ZNF385B: variants seen among roughly 807,000 people sequenced by gnomAD.
ZNF385B encodes zinc finger protein 533.
In ZNF385B, 23 loss-of-function variants were observed where a neutral mutation model predicts 39.2. That is an observed-to-expected ratio of 0.59 (90% CI 0.42 to 0.83). The LOEUF is 0.83. Ranked by LOEUF, ZNF385B falls within the 40% of genes least tolerant of loss-of-function variation. ZNF385B has a pLI of 0.00. For synonymous variants in ZNF385B, 205 were observed against 222.6 expected, an observed-to-expected ratio of 0.92 and a Z score of 0.70; for missense variants, 552 against 598.9, an observed-to-expected ratio of 0.92 and a Z score of 0.82.
At position 179,618,718 on chromosome 2, in the gene ZNF385B, T is replaced by C. The variant is rs952491671; in HGVS notation, c.299-73749A>G. Among the ~76,000 whole-genome samples the C allele has an allele frequency of 7.9e-5, 12 of 152,260 alleles. No individual in the cohort carries two copies. In the East Asian group the frequency reaches 1.2e-3, roughly 15 times the overall value. Reference sequence around the variant, plus strand: ...TAGGGGCAGCCAGGTTATCCCTAAATAGGAGAACAAGAGGAATCAGGAAAG... The same window carrying C: ...TAGGGGCAGCCAGGTTATCCCTAAACAGGAGAACAAGAGGAATCAGGAAAG... On this transcript the variant is annotated intron_variant, in intron 3 of 9. Transcript: ENST00000410066.
chr2:179,563,347 C>G (rs1371717382), intron 3 of ZNF385B, among the ~76,000 whole-genome samples: 1 of 152,134 alleles, frequency 6.6e-6, no homozygotes, highest in Non-Finnish European at 1.5e-5. Flanking sequence ...GTCATTGATA[C>G]TGATGAGTTA....
At chr2:179,571,180 C>G (rs1294236275) in intron 3 of ZNF385B, among the ~76,000 whole-genome samples, 3 of 152,182 alleles carry the variant, frequency 2.0e-5, no homozygotes, top group Admixed American at 2.0e-4. Flanking sequence ...AGTCCTTGCT[C>G]TTAACTGGAC....
chr2:179,820,488 C>T (rs1243342257), intron 1 of ZNF385B, among the ~76,000 whole-genome samples: 3 of 151,946 alleles, frequency 2.0e-5, no homozygotes, highest in East Asian at 1.9e-4. Context: ...ATTCTGTGTT[C>T]TATCTTTACT....
intron 3 of ZNF385B, among the ~76,000 whole-genome samples, chr2:179,768,042 T>A (rs1251941077): frequency 6.6e-6 from 1 of 151,470 alleles, no homozygotes; most frequent in Non-Finnish European, 1.5e-5. Context: ...CTCTACCTCC[T>A]GGGTTCAAGT....
At chr2:179,715,987 A>C (rs1239687354) in intron 3 of ZNF385B, among the ~76,000 whole-genome samples, 2 of 152,208 alleles carry the variant, frequency 1.3e-5, no homozygotes, top group Non-Finnish European at 2.9e-5. Context: ...TCCATGGCCC[A>C]TAATAGCTAC....
chr2:179,567,967 G>A (rs552238218), intron 3 of ZNF385B, among the ~76,000 whole-genome samples: 1 of 152,210 alleles, frequency 6.6e-6, no homozygotes, highest in East Asian at 1.9e-4. Flanking sequence ...CAAGCAAACT[G>A]TTTAAAAATA....
At chr2:179,451,251 T>TAAA (rs71029810) in intron 6 of ZNF385B, among the ~76,000 whole-genome samples, 1 of 134,842 alleles carries the variant, frequency 7.4e-6, no homozygotes. Flanking sequence ...AAAGTATAAT[T>TAAA]AAAAAAAAAA....
chr2:179,777,084 C>G (rs1379363050), intron 1 of ZNF385B, among the ~76,000 whole-genome samples: 1 of 151,626 alleles, frequency 6.6e-6, no homozygotes, highest in Non-Finnish European at 1.5e-5. Context: ...CTTCAGAAGA[C>G]CCAACTGTTT....
chr2:179,801,244 G>C lies in ZNF385B; in HGVS notation c.-154-30572C>G, dbSNP rs946792689. Among the ~76,000 whole-genome samples, 4 of 152,088 alleles carry C rather than the reference G, an allele frequency of 2.6e-5. No individual in the cohort carries two copies. The East Asian group carries it at 5.8e-4, about 22-fold the overall frequency. On this transcript the variant is annotated intron_variant, in intron 1 of 9. Coordinates refer to ENST00000410066, the MANE Select transcript of ZNF385B (RefSeq NM_152520.6). ...TACTAGGAAGTAGCTGCTCACGGAGGCCTTGCCAAGGAGTGATTATATGAA... is the reference window on the plus strand; with the variant it reads ...TACTAGGAAGTAGCTGCTCACGGAGCCCTTGCCAAGGAGTGATTATATGAA...
chr2:179,797,073 C>G (rs1475739590), intron 1 of ZNF385B, among the ~76,000 whole-genome samples: 1 of 152,028 alleles, frequency 6.6e-6, no homozygotes, highest in Non-Finnish European at 1.5e-5. Flanking sequence ...AAAAAAAACC[C>G]TAACCAGTGA....
chr2:179,845,354 G>A (rs1708748419), intron 1 of ZNF385B, among the ~76,000 whole-genome samples: 1 of 152,184 alleles, frequency 6.6e-6, no homozygotes, highest in Admixed American at 6.5e-5. Context: ...GATATACAAT[G>A]TGGCATAATA....
chr2:179,749,715 T>C (rs1702566945), intron 3 of ZNF385B, among the ~76,000 whole-genome samples: 2 of 152,116 alleles, frequency 1.3e-5, no homozygotes, highest in South Asian at 4.1e-4. Context: ...ACACTTCTAT[T>C]CCAGGCAGAC....
chr2:179,500,076 A>G (rs1318304816), intron 5 of ZNF385B, among the ~76,000 whole-genome samples: 1 of 152,050 alleles, frequency 6.6e-6, no homozygotes, highest in Non-Finnish European at 1.5e-5. Context: ...AGATTTAACC[A>G]AAGAAGTGAA....
At chr2:179,561,199 C>T (rs892476160) in intron 3 of ZNF385B, among the ~76,000 whole-genome samples, 2 of 152,008 alleles carry the variant, frequency 1.3e-5, no homozygotes, top group African/African-American at 4.8e-5. Context: ...TGATCATCCC[C>T]TGTTTTTCTG....
rs565843530 is a variant in ZNF385B, at chr2:179,804,936, T to C, written c.-154-34264A>G. 6.1e-4 allele frequency among the ~76,000 whole-genome samples: 93 copies of C among 152,314 alleles called. 1 individual carries two copies. In the South Asian group the frequency reaches 0.019, roughly 31 times the overall value. On this transcript the variant is annotated intron_variant, in intron 1 of 9. Coordinates refer to ENST00000410066, the MANE Select transcript of ZNF385B (RefSeq NM_152520.6). ...CCTTTTGGAGCAATGCCCTCTGTCATTGATAATCTCTAGAGGGGCTTCCAA... is the reference window on the plus strand; with the variant it reads ...CCTTTTGGAGCAATGCCCTCTGTCACTGATAATCTCTAGAGGGGCTTCCAA...
At chr2:179,663,738 A>AAAAAAAC (rs1694793758) in intron 3 of ZNF385B, among the ~76,000 whole-genome samples, 3 of 148,492 alleles carry the variant, frequency 2.0e-5, no homozygotes, top group African/African-American at 4.9e-5. Context: ...AAAAAAAAAA[A>AAAAAAAC]TCTCATGAAA....
intron 3 of ZNF385B, among the ~76,000 whole-genome samples, chr2:179,652,963 T>C (rs1470325805): frequency 6.6e-6 from 1 of 152,048 alleles, no homozygotes; most frequent in East Asian, 1.9e-4. Flanking sequence ...AAGGACAGGG[T>C]TCTTTCCTGC....
intron 3 of ZNF385B, among the ~76,000 whole-genome samples, chr2:179,553,515 A>C (rs567366103): frequency 6.7e-6 from 1 of 148,994 alleles, no homozygotes; most frequent in East Asian, 1.9e-4. Flanking sequence ...ATTCTTATTA[A>C]ATTATAATGC....
At chr2:179,643,572 G>A (rs985280638) in intron 3 of ZNF385B, among the ~76,000 whole-genome samples, 1 of 152,144 alleles carries the variant, frequency 6.6e-6, no homozygotes, top group Non-Finnish European at 1.5e-5. Context: ...AAACAAGGAT[G>A]AATCTCAAAG....
Sources: allele counts gnomAD v4.1 joint callset (sites outside exome capture counted in the v4.1 genomes callset), GRCh38; gene constraint gnomAD v4.1.1; transcripts MANE v1.5; gene names NCBI Gene and HGNC (gene_info 2026-07-23, HGNC 2026-07-21).